ZAP70: variants seen among roughly 807,000 people sequenced by gnomAD.
ZAP70 encodes the protein tyrosine-protein kinase ZAP-70.
ZAP70 carries 27 observed loss-of-function variants against 65.8 expected under a neutral mutation model. The observed-to-expected ratio is 0.41, with a 90% CI of 0.30 to 0.57. The LOEUF (loss-of-function observed/expected upper bound fraction) is 0.57, where lower values mean the gene tolerates loss of function less well. Ranked by LOEUF, ZAP70 falls within the 20% of genes least tolerant of loss-of-function variation. The probability of loss-of-function intolerance (pLI) is 0.28; values close to 1 mark genes in which losing one functional copy is unlikely to be tolerated. For missense variants in ZAP70, 696 were observed against 870.5 expected, an observed-to-expected ratio of 0.80 and a Z score of 2.52; for synonymous variants, 363 against 360.8, an observed-to-expected ratio of 1.01 and a Z score of -0.07.
At chr2:97,716,395 G>A (rs72951131) in intron 2 of ZAP70, among the ~76,000 whole-genome samples, 25,885 of 152,180 alleles carry the variant, frequency 0.17, 3,469 homozygotes, top group African/African-American at 0.37. Flanking sequence ...CTCCACTCCC[G>A]TGGTGCTTAC....
the ZAP70 span, among the ~76,000 whole-genome samples, chr2:97,750,927 A>ACT: frequency 6.6e-6 from 1 of 152,114 alleles, no homozygotes; most frequent in South Asian, 2.1e-4. Flanking sequence ...CTAGTTTTGA[A>ACT]CTCTCTCTCT....
the ZAP70 span, among the ~76,000 whole-genome samples, chr2:97,749,755 ATGC>A: frequency 6.6e-6 from 1 of 152,136 alleles, no homozygotes; most frequent in African/African-American, 2.4e-5. Context: ...GTCCCTGGAC[ATGC>A]TGCCGCAGTT....
Position 97,733,601 on chromosome 2 carries a change from C to A in ZAP70, c.889+6C>A, listed in dbSNP as rs201457490. On this transcript the variant is annotated splice_donor_region_variant and intron_variant, in intron 8 of 13. Coordinates refer to ENST00000264972, the MANE Select transcript of ZAP70 (RefSeq NM_001079.4). ...TGGATACACCCCTGAGCCAGGTGAG[C>A]GGGCAGAGGTGGGGACGCGGGTTGG... 1 of 1,613,456 alleles carries A rather than the reference C, an allele frequency of 6.2e-7. No individual in the cohort carries two copies. The highest frequency in any genetic ancestry group is 2.2e-5 in the East Asian group (1 of 44,880).
At chr2:97,718,334 G>A (rs1206860936) in intron 2 of ZAP70, among the ~76,000 whole-genome samples, 9 of 152,292 alleles carry the variant, frequency 5.9e-5, no homozygotes, top group Middle Eastern at 3.4e-3. Context: ...CCGGCTAGCC[G>A]CTGCGTGGCA....
In ZAP70 at chr2:97,737,328, C is replaced by T. The variant is rs557960910; in HGVS notation, c.1290-145C>T. 2.0e-4 allele frequency: 165 copies of T among 808,776 alleles called. No homozygotes were observed. The African/African-American group carries it at 2.2e-3, about 11-fold the overall frequency. The allele number at this position is 808,776 out of a possible 1,614,324, so 50.1% of individuals were successfully genotyped here. ...GTTCACTGCTGTGTCCCCAGCCCCA[C>T]GCCTGGCACACAGCAGGTGCTCAAT... On this transcript the variant is annotated intron_variant, in intron 10 of 13. Coordinates refer to ENST00000264972, the MANE Select transcript of ZAP70 (RefSeq NM_001079.4). This position sits in a 1 kb window ranked among gnomAD's most constrained non-coding sequence, Gnocchi z 5.0.
chr2:97,747,033 A>T, the ZAP70 span, among the ~76,000 whole-genome samples: 1 of 152,242 alleles, frequency 6.6e-6, no homozygotes, highest in Non-Finnish European at 1.5e-5. Flanking sequence ...AAAGAAAAAA[A>T]AAGGTAAAGG....
At position 97,715,137 on chromosome 2, in the gene ZAP70, C is replaced by T. The variant is rs566513054; in HGVS notation, c.-22+1143C>T. On this transcript the variant is annotated intron_variant, in intron 2 of 13. Transcript: ENST00000264972. This position sits in a 1 kb window ranked among gnomAD's most constrained non-coding sequence, Gnocchi z 4.1. ...GACTCCACAGTTCCTGTATGCTCTC[C>T]GGGGCTGCAGCACCCAGACCACCCC... Among the ~76,000 whole-genome samples the T allele has an allele frequency of 6.6e-5, 10 of 152,292 alleles. No homozygotes were observed. The South Asian group carries it at 1.0e-3, about 16-fold the overall frequency.
chr2:97,723,994 C>T, intron 2 of ZAP70, 22 bp from the exon 3 acceptor site: 3 of 1,536,530 alleles, frequency 2.0e-6, no homozygotes, highest in Non-Finnish European at 2.6e-6. Context: ...TGACGTGCCT[C>T]CGACCCTCTG....
At chr2:97,725,346 G>A (rs1391899577) in intron 4 of ZAP70, 94 bp downstream of exon 4, 5 of 1,492,600 alleles carry the variant, frequency 3.3e-6, no homozygotes, top group African/African-American at 1.4e-5. Context: ...CAGTTGGGCC[G>A]TAAGGGTGTC....
rs202104962 is a variant in ZAP70, at chr2:97,739,592, T to C, written c.*94T>C. ...AGTCTGGCTGAGCCCTGCTTGGTTG[T>C]CTCCACACACAGCTGGGCTGTGGTA... On this transcript the variant is annotated 3_prime_UTR_variant, in exon 14 of 14. Coordinates refer to ENST00000264972, the MANE Select transcript of ZAP70 (RefSeq NM_001079.4). 2 of 1,515,702 alleles carry C rather than the reference T, an allele frequency of 1.3e-6. No individual in the cohort carries two copies. The highest frequency in any genetic ancestry group is 8.9e-7 in the Non-Finnish European group (1 of 1,124,768). 93.9% of individuals were successfully genotyped at this position (1,515,702 alleles called of 1,614,324 possible). A position where few individuals can be genotyped will look rare whatever the true frequency, so the allele number is the denominator to read the frequency against.
chr2:97,724,441 G>A lies in ZAP70; in HGVS notation c.402+3G>A, dbSNP rs200107228. 12 of 1,532,114 alleles carry A rather than the reference G, an allele frequency of 7.8e-6. No homozygotes were observed. In the East Asian group the frequency reaches 2.8e-4, roughly 35 times the overall value. 94.9% of individuals were successfully genotyped at this position (1,532,114 alleles called of 1,614,324 possible). On this transcript the variant is annotated splice_donor_region_variant and intron_variant, in intron 3 of 13. Coordinates refer to ENST00000264972, the MANE Select transcript of ZAP70 (RefSeq NM_001079.4). ...TGCGCCAGACGTGGAAGCTGGAGGT[G>A]AGAGCGCAGCCTGGGGCGCGGGGTC...
chr2:97,729,042 C>A (rs1358008135), intron 4 of ZAP70, among the ~76,000 whole-genome samples: 1 of 152,228 alleles, frequency 6.6e-6, no homozygotes, highest in African/African-American at 2.4e-5. Context: ...CGTGAGCCAC[C>A]GCGCCTGGCC....
chr2:97,721,891 A>G (rs1677174972), intron 2 of ZAP70, among the ~76,000 whole-genome samples: 1 of 147,718 alleles, frequency 6.8e-6, no homozygotes, highest in South Asian at 2.1e-4. Flanking sequence ...GGTTCAAGCA[A>G]TTCTGCTTCA....
chr2:97,754,184 T>C, the ZAP70 span, among the ~76,000 whole-genome samples: 3 of 152,196 alleles, frequency 2.0e-5, no homozygotes, highest in Non-Finnish European at 4.4e-5. Flanking sequence ...AGAGTAATTA[T>C]TTGGAAAGCA....
At position 97,715,786 on chromosome 2, in the gene ZAP70, T is replaced by G. The variant is rs1460229168; in HGVS notation, c.-22+1792T>G. Among the ~76,000 whole-genome samples, 1 of 152,150 alleles carries G rather than the reference T, an allele frequency of 6.6e-6. No individual in the cohort carries two copies. The highest frequency in any genetic ancestry group is 1.5e-5 in the Non-Finnish European group (1 of 68,026). ...GAGTGGGATAACAGTTCCCACCAAA[T>G]GTAGTTGTGGTGAGAATTAGAATAA... On this transcript the variant is annotated intron_variant, in intron 2 of 13. Transcript: ENST00000264972. This position sits in a 1 kb window ranked among gnomAD's most constrained non-coding sequence, Gnocchi z 4.1.
In ZAP70 at chr2:97,725,213, G is replaced by A. The variant is rs55964305; in HGVS notation, c.524G>A (p.Arg175His). The change falls in exon 4 of 14, where the codon CGC (arginine) becomes CAC (histidine). Residue 175 changes from arginine to histidine, a missense_variant. Arg to His is a conservative substitution (Grantham distance 29). Around this residue, in one of 3 missense-constraint regions of ZAP70, gnomAD observed 551 missense variants for 630.0 expected, o/e 0.87. Coordinates refer to ENST00000264972, the MANE Select transcript of ZAP70 (RefSeq NM_001079.4). ...AGCCTGACGCGTGAGGAGGCCGAGC[G>A]CAAACTTTACTCTGGGGCGCAGACC... ...HSSLTREEAE[R>H]KLYSGAQTDG... 2 of 1,614,154 alleles carry A rather than the reference G, an allele frequency of 1.2e-6. No homozygotes were observed. The highest frequency in any genetic ancestry group is 1.7e-5 in the Admixed American group (1 of 60,026).
the ZAP70 span, among the ~76,000 whole-genome samples, chr2:97,749,822 G>A: frequency 5.7e-4 from 86 of 152,174 alleles, 1 homozygote; most frequent in Non-Finnish European, 9.4e-4. Context: ...GGTGGACCCA[G>A]TGGTGAGGGT....
At chr2:97,721,770 G>GT (rs1347656076) in intron 2 of ZAP70, among the ~76,000 whole-genome samples, 2 of 148,912 alleles carry the variant, frequency 1.3e-5, no homozygotes, top group African/African-American at 4.9e-5. Flanking sequence ...CACATATTTT[G>GT]TTTTTTTATT....
chr2:97,726,255 A>G (rs1419471781), intron 4 of ZAP70, among the ~76,000 whole-genome samples: 1 of 152,212 alleles, frequency 6.6e-6, no homozygotes, highest in Non-Finnish European at 1.5e-5. Context: ...ATCTCTTTTT[A>G]AAACTCTGCT....
Sources: allele counts gnomAD v4.1 joint callset (sites outside exome capture counted in the v4.1 genomes callset), GRCh38; gene constraint gnomAD v4.1.1; regional missense constraint gnomAD v4.1.1; non-coding constraint Gnocchi (gnomAD v3.1); transcripts MANE v1.5; gene names NCBI Gene and HGNC (gene_info 2026-07-23, HGNC 2026-07-21).